The following PPP2R5E variants were observed in gnomAD, a reference collection of about 807,000 sequenced individuals.
PPP2R5E encodes protein phosphatase 2 regulatory subunit B'epsilon, also known as serine/threonine-protein phosphatase 2A 56 kDa regulatory subunit epsilon isoform.
A neutral mutation model predicts 65.3 loss-of-function variants in PPP2R5E; 4 were observed. The ratio of observed to expected loss-of-function variants is 0.06; its 90% CI spans 0.03 to 0.14. The LOEUF (loss-of-function observed/expected upper bound fraction) is 0.14, where lower values mean the gene tolerates loss of function less well. PPP2R5E is among the 10% of genes least tolerant of loss of function. The pLI is 1.00. For synonymous variants in PPP2R5E, 183 were observed against 187.4 expected (o/e 0.98, Z 0.19); for missense variants, 274 against 556.1 (o/e 0.49, Z 5.10).
intron 2 of PPP2R5E, among the ~76,000 whole-genome samples, chr14:63,488,717 C>T (rs898428096): frequency 7.2e-5 from 11 of 151,918 alleles, no homozygotes; most frequent in Admixed American, 2.0e-4. Context: ...GGCGTGGTGG[C>T]GCATACCTGT....
At chr14:63,389,528 G>A (rs1246517829) in intron 11 of PPP2R5E, 84 bp downstream of exon 11, 2 of 1,405,054 alleles carry the variant, frequency 1.4e-6, no homozygotes, top group African/African-American at 2.9e-5. Flanking sequence ...TAGGTAGCTA[G>A]GGTCCATTAC....
intron 2 of PPP2R5E, among the ~76,000 whole-genome samples, chr14:63,533,982 C>T (rs72716312): frequency 0.11 from 16,396 of 152,112 alleles, 931 homozygotes; most frequent in East Asian, 0.16. Flanking sequence ...AACAATGCTA[C>T]TTTCACTATA....
intron 5 of PPP2R5E, 129 bp downstream of exon 5, chr14:63,415,011 T>TTATATA (rs111300116): frequency 5.2e-5 from 23 of 444,974 alleles, no homozygotes; most frequent in African/African-American, 4.0e-4. Context: ...TAACTTATGT[T>TTATATA]TATATATATA....
chr14:63,513,293 C>T (rs1892536646), intron 2 of PPP2R5E, among the ~76,000 whole-genome samples: 1 of 152,122 alleles, frequency 6.6e-6, no homozygotes, highest in African/African-American at 2.4e-5. Context: ...CTGCATCGCC[C>T]TCAAGTAAAA....
intron 5 of PPP2R5E, among the ~76,000 whole-genome samples, chr14:63,409,048 A>G (rs1482042424): frequency 6.6e-6 from 1 of 152,162 alleles, no homozygotes; most frequent in Non-Finnish European, 1.5e-5. Flanking sequence ...CCTGACCAAC[A>G]TGGAGAAACC....
intron 12 of PPP2R5E, among the ~76,000 whole-genome samples, chr14:63,382,359 G>C (rs1884414100): frequency 6.6e-6 from 1 of 151,882 alleles, no homozygotes. Flanking sequence ...TTTTCTGAGG[G>C]GTGGTAGAAC....
At chr14:63,450,245 A>G (rs10152067) in intron 3 of PPP2R5E, among the ~76,000 whole-genome samples, 34,831 of 152,166 alleles carry the variant, frequency 0.23, 4,294 homozygotes, top group East Asian at 0.31. Flanking sequence ...AGTACCGTAT[A>G]TAATTAGTAG....
chr14:63,541,962 C>T (rs1468009415), intron 1 of PPP2R5E, among the ~76,000 whole-genome samples: 4 of 152,110 alleles, frequency 2.6e-5, no homozygotes, highest in Non-Finnish European at 4.4e-5. Flanking sequence ...CAGCCAAAAG[C>T]TCCACATCTT....
At chr14:63,410,477 G>C (rs952362779) in intron 5 of PPP2R5E, among the ~76,000 whole-genome samples, 1 of 152,080 alleles carries the variant, frequency 6.6e-6, no homozygotes, top group Non-Finnish European at 1.5e-5. Flanking sequence ...AAGAGGAGGA[G>C]GAATGAGTGA....
intron 3 of PPP2R5E, chr14:63,451,687 G>A (rs529958592): frequency 1.3e-5 from 2 of 152,184 alleles, no homozygotes; most frequent in South Asian, 2.1e-4. Flanking sequence ...CACCAAGAAT[G>A]AGCCCTAACG....
chr14:63,523,811 T>C (rs1594970866), intron 2 of PPP2R5E, among the ~76,000 whole-genome samples: 1 of 151,658 alleles, frequency 6.6e-6, no homozygotes, highest in African/African-American at 2.4e-5. Flanking sequence ...TCAAAAAAAC[T>C]CTTCACCTTT....
At chr14:63,379,185 C>T (rs1179449129) in intron 13 of PPP2R5E, among the ~76,000 whole-genome samples, 1 of 152,086 alleles carries the variant, frequency 6.6e-6, no homozygotes, top group Non-Finnish European at 1.5e-5. Flanking sequence ...CCCGCCACCA[C>T]GCCCTGCTAA....
At chr14:63,508,317 T>C in intron 2 of PPP2R5E, 1 of 638,156 alleles carries the variant, frequency 1.6e-6, no homozygotes, top group Non-Finnish European at 1.9e-6. Flanking sequence ...CTCTTTGTTC[T>C]GTCACTCTCA....
At chr14:63,518,703 T>C (rs1338528467) in intron 2 of PPP2R5E, among the ~76,000 whole-genome samples, 1 of 152,160 alleles carries the variant, frequency 6.6e-6, no homozygotes, top group Non-Finnish European at 1.5e-5. Flanking sequence ...ATAAGCACAA[T>C]GTTACCATGA....
intron 2 of PPP2R5E, among the ~76,000 whole-genome samples, chr14:63,513,334 T>C (rs1892537754): frequency 6.6e-6 from 1 of 152,106 alleles, no homozygotes; most frequent in African/African-American, 2.4e-5. Flanking sequence ...CTTATCAAAT[T>C]ATGCCCAGCA....
chr14:63,473,537 G>C (rs544030202), intron 2 of PPP2R5E, among the ~76,000 whole-genome samples: 2 of 152,198 alleles, frequency 1.3e-5, no homozygotes, highest in Non-Finnish European at 1.5e-5. Flanking sequence ...AGTGCTAACA[G>C]TGTACTAAAG....
At chr14:63,519,207 T>A (rs1391041002) in intron 2 of PPP2R5E, among the ~76,000 whole-genome samples, 1 of 151,506 alleles carries the variant, frequency 6.6e-6, no homozygotes, top group African/African-American at 2.4e-5. Flanking sequence ...AGAGCGAGAC[T>A]CCGTCTCAAA....
intron 2 of PPP2R5E, among the ~76,000 whole-genome samples, chr14:63,471,897 T>C (rs1009290661): frequency 3.9e-5 from 6 of 152,206 alleles, no homozygotes; most frequent in Admixed American, 1.3e-4. Flanking sequence ...TTAACATAGA[T>C]TGAGGAAGAC....
At chr14:63,453,624 A>G (rs1257686399) in intron 3 of PPP2R5E, 65 bp downstream of exon 3, 1 of 1,506,878 alleles carries the variant, frequency 6.6e-7, no homozygotes, top group African/African-American at 1.4e-5. Flanking sequence ...CTCTTGCAAT[A>G]TATACACCTG....
Sources: gnomAD v4.1 joint callset for allele counts (sites outside exome capture counted in the v4.1 genomes callset) on GRCh38, gnomAD v4.1.1 for gene constraint, MANE v1.5 for transcripts, NCBI Gene and HGNC (gene_info 2026-07-23, HGNC 2026-07-21) for gene names.